BMP7: variants seen among roughly 807,000 people sequenced by gnomAD.
The protein encoded by BMP7 is osteogenic protein 1.
BMP7 carries 12 observed loss-of-function variants against 41.2 expected under a neutral mutation model. That is an observed-to-expected ratio of 0.29 (90% CI 0.19 to 0.47). The LOEUF (loss-of-function observed/expected upper bound fraction) is 0.47, where lower values mean the gene tolerates loss of function less well. BMP7 is among the 20% of genes least tolerant of loss of function. BMP7 has a pLI of 0.99. For missense variants in BMP7, 467 were observed against 606.0 expected, an observed-to-expected ratio of 0.77 and a Z score of 2.41; for synonymous variants, 248 against 250.0, an observed-to-expected ratio of 0.99 and a Z score of 0.07.
chr20:57,233,644 T>C (rs977422415), intron 1 of BMP7, among the ~76,000 whole-genome samples: 1 of 152,170 alleles, frequency 6.6e-6, no homozygotes, highest in African/African-American at 2.4e-5. Context: ...ACCTTGCCTC[T>C]CCCTAACATC....
At chr20:57,255,969 T>C (rs1781451915) in intron 1 of BMP7, among the ~76,000 whole-genome samples, 1 of 152,168 alleles carries the variant, frequency 6.6e-6, no homozygotes, top group South Asian at 2.1e-4. Flanking sequence ...AGCAGAGTAA[T>C]GCTTCTTAAT....
chr20:57,217,767 G>C (rs552389823), intron 2 of BMP7, among the ~76,000 whole-genome samples: 75 of 152,322 alleles, frequency 4.9e-4, no homozygotes, highest in African/African-American at 1.7e-3. Flanking sequence ...TAAAAGCAAA[G>C]GGGTCCGGAA....
chr20:57,171,708 CTGT>C lies in BMP7; in HGVS notation c.1147-603_1147-601del, dbSNP rs532998801. ...AAGACAGGCCAGAGATTCCACTGTC[CTGT>C]TGTTTTCAACGTGAAACTTCTGGGT... On this transcript the variant is annotated intron_variant, in intron 6 of 6. Transcript: ENST00000395863. The surrounding 1 kb of genome is among the most constrained non-coding windows in gnomAD (Gnocchi z 4.5). Among the ~76,000 whole-genome samples the C allele has an allele frequency of 4.1e-3, 618 of 152,360 alleles. 1 individual carries two copies. Among genetic ancestry groups the C allele is most frequent in the Middle Eastern group, 0.017 (5 of 294 alleles).
chr20:57,220,721 T>G (rs1187216875), intron 2 of BMP7, among the ~76,000 whole-genome samples: 2 of 152,210 alleles, frequency 1.3e-5, no homozygotes, highest in Non-Finnish European at 2.9e-5. Flanking sequence ...AACGTAATTA[T>G]AATCATCACA....
intron 1 of BMP7, among the ~76,000 whole-genome samples, chr20:57,243,331 T>A (rs2066077243): frequency 6.6e-6 from 1 of 151,772 alleles, no homozygotes; most frequent in Non-Finnish European, 1.5e-5. Flanking sequence ...ATACAAAAAT[T>A]AGCTAGGCGT....
At chr20:57,217,930 T>C (rs1985071007) in intron 2 of BMP7, among the ~76,000 whole-genome samples, 1 of 152,256 alleles carries the variant, frequency 6.6e-6, no homozygotes, top group Non-Finnish European at 1.5e-5. Context: ...TGGATCTGTC[T>C]GTGTTTCCAC....
At chr20:57,235,251 T>A (rs2066043110) in intron 1 of BMP7, among the ~76,000 whole-genome samples, 1 of 152,240 alleles carries the variant, frequency 6.6e-6, no homozygotes, top group Non-Finnish European at 1.5e-5. Flanking sequence ...ACTCATTTTT[T>A]TATAGTCATT....
intron 2 of BMP7, among the ~76,000 whole-genome samples, chr20:57,208,743 T>G (rs765351063): frequency 6.6e-6 from 1 of 152,210 alleles, no homozygotes; most frequent in Non-Finnish European, 1.5e-5. Flanking sequence ...GGAATATTAT[T>G]TGGCATTAAA....
intron 2 of BMP7, among the ~76,000 whole-genome samples, chr20:57,212,333 G>C (rs1984910735): frequency 6.6e-6 from 1 of 152,218 alleles, no homozygotes; most frequent in Non-Finnish European, 1.5e-5. Flanking sequence ...AGTGAGGAGA[G>C]GGCACAGGTG....
intron 1 of BMP7, among the ~76,000 whole-genome samples, chr20:57,229,023 CTT>C (rs1281131039): frequency 6.6e-6 from 1 of 152,206 alleles, no homozygotes; most frequent in East Asian, 1.9e-4. Flanking sequence ...ACTGTGGAAA[CTT>C]TTAGAAAATA....
chr20:57,223,748 A>T (rs968479285), intron 2 of BMP7, among the ~76,000 whole-genome samples: 2 of 152,202 alleles, frequency 1.3e-5, no homozygotes, highest in Non-Finnish European at 2.9e-5. Flanking sequence ...AGAAGCCTCA[A>T]CCACAGGGTG....
chr20:57,192,220 CTAT>C (rs1475822248), intron 3 of BMP7, among the ~76,000 whole-genome samples: 4 of 119,110 alleles, frequency 3.4e-5, no homozygotes, highest in South Asian at 2.5e-4. Flanking sequence ...ATATTATATA[CTAT>C]TATATTATAT....
intron 3 of BMP7, among the ~76,000 whole-genome samples, chr20:57,197,488 A>T (rs1568711307): frequency 6.6e-6 from 1 of 152,034 alleles, no homozygotes. Flanking sequence ...CATTCCTTGG[A>T]AGATTTTCCA....
chr20:57,227,654 C>A (rs978075773), intron 2 of BMP7, among the ~76,000 whole-genome samples: 1 of 152,168 alleles, frequency 6.6e-6, no homozygotes, highest in African/African-American at 2.4e-5. Flanking sequence ...GAATAGAATG[C>A]ACCTGCTAAA....
chr20:57,195,026 G>T lies in BMP7; in HGVS notation c.760+7449C>A, dbSNP rs114217165. Among the ~76,000 whole-genome samples, 418 of 152,328 alleles carry T rather than the reference G, an allele frequency of 2.7e-3. 4 individuals are homozygous for T. The highest frequency in any genetic ancestry group is 9.7e-3 in the African/African-American group (403 of 41,566). ...TAGAGGGAAAGGCCTTCTAAAAGGAGCCTGGTGGAGATAGGACTCAGAGTG... is the reference window on the plus strand; with the variant it reads ...TAGAGGGAAAGGCCTTCTAAAAGGATCCTGGTGGAGATAGGACTCAGAGTG... On this transcript the variant is annotated intron_variant, in intron 3 of 6. Transcript: ENST00000395863.
chr20:57,249,357 C>T (rs984985209), intron 1 of BMP7, among the ~76,000 whole-genome samples: 2 of 152,000 alleles, frequency 1.3e-5, no homozygotes, highest in Admixed American at 6.5e-5. Flanking sequence ...CCATGTGCAA[C>T]GGAAGAAGCA....
rs1447232010 is a variant in BMP7 at position 57,213,075 on chromosome 20, G to A, written c.612-10452C>T. ...GGAGTAAGGTGGAAAAATACACAAA[G>A]AGGCACAATATCCTCCTGCCCCAGA... On this transcript the variant is annotated intron_variant, in intron 2 of 6. Transcript: ENST00000395863. This position sits in a 1 kb window ranked among gnomAD's most constrained non-coding sequence, Gnocchi z 4.4. 6.6e-6 allele frequency among the ~76,000 whole-genome samples: 1 copy of A among 152,244 alleles called. No homozygotes were observed. Among genetic ancestry groups the A allele is most frequent in the East Asian group, 1.9e-4 (1 of 5,200 alleles).
intron 5 of BMP7, among the ~76,000 whole-genome samples, chr20:57,173,968 A>C (rs1983867104): frequency 6.6e-6 from 1 of 152,114 alleles, no homozygotes; most frequent in South Asian, 2.1e-4. Flanking sequence ...CCCAATAATC[A>C]ATATACTCCT....
In BMP7 at chr20:57,228,556, G is replaced by T; in HGVS notation, c.419-135C>A. ...ATTGCCAGTGACCCCAGTGACAACT[G>T]CTCCTTCCTCACCAACACACTGTAG... On this transcript the variant is annotated intron_variant, in intron 1 of 6. Coordinates refer to ENST00000395863, the MANE Select transcript of BMP7 (RefSeq NM_001719.3). The surrounding 1 kb of genome is among the most constrained non-coding windows in gnomAD (Gnocchi z 4.5). 5 of 1,041,374 alleles carry T rather than the reference G, an allele frequency of 4.8e-6. No individual in the cohort carries two copies. Among genetic ancestry groups the T allele is most frequent in the Non-Finnish European group, 5.9e-6 (4 of 677,876 alleles). The allele number at this position is 1,041,374 out of a possible 1,614,324, so 64.5% of individuals were successfully genotyped here. A position where few individuals can be genotyped will look rare whatever the true frequency, so the allele number is the denominator to read the frequency against.
Sources: allele counts gnomAD v4.1 joint callset (sites outside exome capture counted in the v4.1 genomes callset), GRCh38; gene constraint gnomAD v4.1.1; non-coding constraint Gnocchi (gnomAD v3.1); transcripts MANE v1.5; gene names NCBI Gene and HGNC (gene_info 2026-07-23, HGNC 2026-07-21).